DENND1B: variants seen among roughly 807,000 people sequenced by gnomAD.
DENND1B encodes DENN domain containing 1B, also known as DENN domain-containing protein 1B.
Under a neutral mutation model 90.1 loss-of-function variants are expected in DENND1B, and 59 were observed. The ratio of observed to expected loss-of-function variants is 0.65; its 90% confidence interval spans 0.53 to 0.81. The LOEUF (loss-of-function observed/expected upper bound fraction) is 0.81, where lower values mean the gene tolerates loss of function less well. Among genes scored for constraint, DENND1B ranks in the 40% least tolerant of loss-of-function variants. DENND1B has a pLI of 0.00. For missense variants in DENND1B, 862 were observed against 912.6 expected (o/e 0.94, Z 0.71); for synonymous variants, 337 against 324.6 (o/e 1.04, Z -0.41).
At chr1:197,548,375 G>T (rs1189285946) in intron 16 of DENND1B, among the ~76,000 whole-genome samples, 1 of 152,146 alleles carries the variant, frequency 6.6e-6, no homozygotes, top group African/African-American at 2.4e-5. Flanking sequence ...TGTGATTTGG[G>T]ATGAGGTCCT....
intron 8 of DENND1B, among the ~76,000 whole-genome samples, chr1:197,646,818 G>A (rs1162133552): frequency 6.6e-6 from 1 of 151,664 alleles, no homozygotes; most frequent in African/African-American, 2.4e-5. Flanking sequence ...CAAAGATTTC[G>A]GTCTCTATAA....
chr1:197,553,229 T>C, intron 15 of DENND1B, 117 bp from the exon 16 acceptor site: 1 of 786,136 alleles, frequency 1.3e-6, no homozygotes, highest in Non-Finnish European at 1.9e-6. Context: ...AATAACAGAC[T>C]CTTGTATAAA....
At position 197,515,923 on chromosome 1, in the gene DENND1B, C is replaced by G. The variant is rs1668363863; in HGVS notation, c.1516-2970G>C. On this transcript the variant is annotated intron_variant, in intron 20 of 22. Coordinates refer to ENST00000620048, the MANE Select transcript of DENND1B (RefSeq NM_001195215.2). Reference sequence around the variant, plus strand: ...GTTCATTTTCTTCCACAAAAGTTACCTTTATATTCTGTAGCTGTCTGCATA... The same window carrying G: ...GTTCATTTTCTTCCACAAAAGTTACGTTTATATTCTGTAGCTGTCTGCATA... 1.3e-5 allele frequency among the ~76,000 whole-genome samples: 2 copies of G among 151,792 alleles called. 1 individual carries two copies. Among genetic ancestry groups the G allele is most frequent in the African/African-American group, 4.8e-5 (2 of 41,378 alleles).
intron 3 of DENND1B, among the ~76,000 whole-genome samples, chr1:197,703,975 A>G (rs1330757064): frequency 2.0e-5 from 3 of 152,078 alleles, no homozygotes; most frequent in African/African-American, 7.2e-5. Flanking sequence ...TTTTGGTCAG[A>G]CTCATGCCTG....
intron 2 of DENND1B, among the ~76,000 whole-genome samples, chr1:197,743,534 G>A (rs1004670735): frequency 2.0e-5 from 3 of 152,158 alleles, no homozygotes; most frequent in Non-Finnish European, 4.4e-5. Context: ...TCAGCCTGGG[G>A]GTTGCTGAAG....
intron 1 of DENND1B, among the ~76,000 whole-genome samples, chr1:197,774,172 T>C (rs1656975637): frequency 6.6e-6 from 1 of 152,214 alleles, no homozygotes; most frequent in African/African-American, 2.4e-5. Flanking sequence ...CTGCCCACCA[T>C]GATGTCAAAC....
At chr1:197,656,023 T>C (rs751852888) in intron 6 of DENND1B, among the ~76,000 whole-genome samples, 17 of 152,116 alleles carry the variant, frequency 1.1e-4, no homozygotes, top group Non-Finnish European at 2.2e-4. Flanking sequence ...ATAAAGTTAT[T>C]ATATGTCATG....
At chr1:197,667,659 A>G (rs1469645302) in intron 5 of DENND1B, among the ~76,000 whole-genome samples, 1 of 152,150 alleles carries the variant, frequency 6.6e-6, no homozygotes, top group Non-Finnish European at 1.5e-5. Flanking sequence ...TCGGCCTCCC[A>G]AAGCACTCGG....
chr1:197,697,139 T>C (rs1202535086), intron 3 of DENND1B, among the ~76,000 whole-genome samples: 1 of 150,696 alleles, frequency 6.6e-6, no homozygotes, highest in Non-Finnish European at 1.5e-5. Flanking sequence ...GGATAGTGTG[T>C]GAAGGAAGTC....
chr1:197,595,484 C>T (rs1675603056), intron 13 of DENND1B, 151 bp from the exon 14 acceptor site: 1 of 973,150 alleles, frequency 1.0e-6, no homozygotes, highest in South Asian at 1.7e-5. Context: ...GCAGAGAGCA[C>T]CTGCTGGTCT....
chr1:197,554,134 CACACACACA>C (rs1280645318), intron 15 of DENND1B, among the ~76,000 whole-genome samples: 9 of 151,416 alleles, frequency 5.9e-5, no homozygotes, highest in Admixed American at 1.3e-4. Context: ...CACACACACA[CACACACACA>C]CACACGTATT....
chr1:197,675,451 T>A (rs2488409), intron 3 of DENND1B, among the ~76,000 whole-genome samples: 3 of 151,756 alleles, frequency 2.0e-5, no homozygotes, highest in Admixed American at 6.6e-5. Flanking sequence ...AAAAAAAAAA[T>A]CATCTACTCT....
intron 20 of DENND1B, among the ~76,000 whole-genome samples, chr1:197,536,796 C>T (rs1669938535): frequency 6.6e-6 from 1 of 152,134 alleles, no homozygotes; most frequent in Admixed American, 6.5e-5. Flanking sequence ...AATCCCAGCA[C>T]TTTGGGAGGC....
At chr1:197,767,009 G>C (rs1655784700) in intron 2 of DENND1B, among the ~76,000 whole-genome samples, 1 of 151,892 alleles carries the variant, frequency 6.6e-6, no homozygotes, top group Non-Finnish European at 1.5e-5. Context: ...GGCCAGGCTG[G>C]TCTCAAACTC....
At chr1:197,747,203 G>T (rs989966559) in intron 2 of DENND1B, 6 of 718,014 alleles carry the variant, frequency 8.4e-6, no homozygotes, top group African/African-American at 5.3e-5. Context: ...TGTTTTTTAT[G>T]CAATTCTTGA....
chr1:197,724,696 T>C (rs1299866059), intron 2 of DENND1B, among the ~76,000 whole-genome samples: 1 of 152,116 alleles, frequency 6.6e-6, no homozygotes, highest in African/African-American at 2.4e-5. Flanking sequence ...GCTTCAGATA[T>C]TAAAATTACC....
At chr1:197,553,168 T>C in intron 15 of DENND1B, 56 bp from the exon 16 acceptor site, 1 of 1,378,884 alleles carries the variant, frequency 7.3e-7, no homozygotes. Context: ...TCCAATAAAA[T>C]GTTAATTTTT....
At chr1:197,735,623 T>C (rs1662580670) in intron 2 of DENND1B, 3 of 1,614,188 alleles carry the variant, frequency 1.9e-6, no homozygotes, top group Non-Finnish European at 2.5e-6. Context: ...TCTCCTCCCG[T>C]GGAGCTGCCG....
chr1:197,652,342 A>G, intron 6 of DENND1B, 27 bp from the exon 7 acceptor site: 9 of 1,587,032 alleles, frequency 5.7e-6, no homozygotes, highest in Non-Finnish European at 7.7e-6. Flanking sequence ...AGTACATTTT[A>G]TAAATAAAAC....
Sources: gnomAD v4.1 joint callset for allele counts (sites outside exome capture counted in the v4.1 genomes callset) on GRCh38, gnomAD v4.1.1 for gene constraint, MANE v1.5 for transcripts, NCBI Gene and HGNC (gene_info 2026-07-23, HGNC 2026-07-21) for gene names.